The following ENTREP2 variants were observed in gnomAD, a reference collection of about 807,000 sequenced individuals.
ENTREP2 encodes the protein endosomal transmembrane epsin interactor 2, also known as protein ENTREP2.
chr15:29,657,187 A>C, the ENTREP2 span, among the ~76,000 whole-genome samples: 1 of 149,562 alleles, frequency 6.7e-6, no homozygotes, highest in Non-Finnish European at 1.5e-5. Flanking sequence ...AGCTGGGACT[A>C]CACGCGCCCA....
At chr15:29,500,162 T>G in the ENTREP2 span, among the ~76,000 whole-genome samples, 3 of 152,108 alleles carry the variant, frequency 2.0e-5, no homozygotes, top group African/African-American at 7.2e-5. Flanking sequence ...GTTGGAGAAT[T>G]AAATACCTCA....
the ENTREP2 span, among the ~76,000 whole-genome samples, chr15:29,327,206 A>G: frequency 6.6e-6 from 1 of 152,336 alleles, no homozygotes; most frequent in East Asian, 1.9e-4. Context: ...GAAAGAAAAT[A>G]TTTGTAAAAC....
chr15:29,455,166 C>T, the ENTREP2 span, among the ~76,000 whole-genome samples: 6 of 152,172 alleles, frequency 3.9e-5, no homozygotes, highest in Non-Finnish European at 8.8e-5. Context: ...GATGAGACTA[C>T]AAAGCCCATC....
the ENTREP2 span, among the ~76,000 whole-genome samples, chr15:29,284,921 T>C: frequency 6.6e-6 from 1 of 152,210 alleles, no homozygotes; most frequent in Non-Finnish European, 1.5e-5. Flanking sequence ...ACAATTTTTC[T>C]TGAGGATTCT....
At chr15:29,344,080 A>G in the ENTREP2 span, among the ~76,000 whole-genome samples, 8 of 152,328 alleles carry the variant, frequency 5.3e-5, no homozygotes, top group Admixed American at 5.2e-4. Context: ...TACAAGGTTT[A>G]ACTCTCACCA....
At chr15:29,194,093 A>G in the ENTREP2 span, among the ~76,000 whole-genome samples, 1 of 152,262 alleles carries the variant, frequency 6.6e-6, no homozygotes, top group Non-Finnish European at 1.5e-5. Context: ...GCAGGATTCT[A>G]GTAGAAAATG....
chr15:29,294,082 T>A, the ENTREP2 span, among the ~76,000 whole-genome samples: 1 of 152,098 alleles, frequency 6.6e-6, no homozygotes, highest in Non-Finnish European at 1.5e-5. Context: ...CTAGGTCTGG[T>A]GCTCAGAAGC....
the ENTREP2 span, among the ~76,000 whole-genome samples, chr15:29,147,277 A>G: frequency 6.6e-6 from 1 of 152,258 alleles, no homozygotes; most frequent in Non-Finnish European, 1.5e-5. Context: ...AAATAGCCAC[A>G]AGTGCATGAA....
chr15:29,472,832 A>T, the ENTREP2 span, among the ~76,000 whole-genome samples: 1 of 152,152 alleles, frequency 6.6e-6, no homozygotes, highest in African/African-American at 2.4e-5. Flanking sequence ...AAATACAAGA[A>T]TCTCCCTTTT....
chr15:29,252,516 G>A, the ENTREP2 span: 1 of 1,276,006 alleles, frequency 7.8e-7, no homozygotes, highest in Non-Finnish European at 1.1e-6. Flanking sequence ...TTATTCACTT[G>A]GAGAGGCTCA....
At chr15:29,407,099 T>C in the ENTREP2 span, among the ~76,000 whole-genome samples, 2 of 152,180 alleles carry the variant, frequency 1.3e-5, no homozygotes, top group South Asian at 4.1e-4. Context: ...AGTCCATCAT[T>C]GTGTGAACCT....
the ENTREP2 span, among the ~76,000 whole-genome samples, chr15:29,327,905 G>A: frequency 5.2e-3 from 789 of 152,270 alleles, 9 homozygotes; most frequent in African/African-American, 0.018. Flanking sequence ...CTTACAAAAC[G>A]AGACATAGTC....
At chr15:29,421,657 A>C in the ENTREP2 span, among the ~76,000 whole-genome samples, 2 of 152,226 alleles carry the variant, frequency 1.3e-5, no homozygotes, top group African/African-American at 4.8e-5. Context: ...TATGAAACTT[A>C]CAATGCTCAA....
the ENTREP2 span, among the ~76,000 whole-genome samples, chr15:29,500,366 T>C: frequency 6.6e-6 from 1 of 152,094 alleles, no homozygotes; most frequent in Non-Finnish European, 1.5e-5. Flanking sequence ...TCTGTAAATC[T>C]TTAAAGATTC....
the ENTREP2 span, among the ~76,000 whole-genome samples, chr15:29,463,606 C>T: frequency 6.6e-6 from 1 of 151,690 alleles, no homozygotes; most frequent in South Asian, 2.1e-4. Flanking sequence ...ATTTTTTTTT[C>T]CTGCTACCCA....
At chr15:29,237,242 C>T in the ENTREP2 span, among the ~76,000 whole-genome samples, 1 of 152,156 alleles carries the variant, frequency 6.6e-6, no homozygotes, top group Non-Finnish European at 1.5e-5. Context: ...ATTTTAGATA[C>T]TAGTCCTTTG....
At chr15:29,476,787 G>A in the ENTREP2 span, among the ~76,000 whole-genome samples, 2 of 152,196 alleles carry the variant, frequency 1.3e-5, no homozygotes, top group Non-Finnish European at 2.9e-5. Context: ...GTGCCAGCAA[G>A]GAGCGGCCAA....
chr15:29,315,727 A>G, the ENTREP2 span, among the ~76,000 whole-genome samples: 1 of 152,230 alleles, frequency 6.6e-6, no homozygotes. Flanking sequence ...TACATAAAAT[A>G]CAAATCTTTA....
At chr15:29,216,626 T>C in the ENTREP2 span, among the ~76,000 whole-genome samples, 9 of 152,180 alleles carry the variant, frequency 5.9e-5, no homozygotes, top group African/African-American at 2.2e-4. Context: ...GGTCATTTTG[T>C]TACACCCGAG....
Sources: gnomAD v4.1 joint callset for allele counts (sites outside exome capture counted in the v4.1 genomes callset) on GRCh38, gnomAD v4.1.1 for gene constraint, MANE v1.5 for transcripts, NCBI Gene and HGNC (gene_info 2026-07-23, HGNC 2026-07-21) for gene names.